Variants in CNOT10 observed in about 807,000 individuals in gnomAD.
CNOT10 encodes the protein CCR4-NOT transcription complex subunit 10, also known as CCR4-NOT transcription complex, subunit 10.
A neutral mutation model predicts 94.6 loss-of-function variants in CNOT10; 30 were observed. The ratio of observed to expected loss-of-function variants is 0.32; its 90% confidence interval spans 0.24 to 0.43. The LOEUF (loss-of-function observed/expected upper bound fraction) is 0.43, where lower values mean the gene tolerates loss of function less well. CNOT10 is among the 20% of genes least tolerant of loss of function. The pLI is 1.00. For missense variants in CNOT10, 759 were observed against 877.2 expected (o/e 0.87, Z 1.70); for synonymous variants, 289 against 301.6 (o/e 0.96, Z 0.43).
chr3:32,687,103 A>G (rs577192339), intron 1 of CNOT10, among the ~76,000 whole-genome samples: 25 of 152,298 alleles, frequency 1.6e-4, no homozygotes, highest in Admixed American at 1.4e-3. Context: ...GCTTTGATAT[A>G]AGGTTAAATT....
At chr3:32,718,301 C>G (rs140365476) in intron 7 of CNOT10, among the ~76,000 whole-genome samples, 2,816 of 143,970 alleles carry the variant, frequency 0.02, 104 homozygotes, top group African/African-American at 0.067. Context: ...GACATAATTC[C>G]TAGCCAGGCG....
At position 32,762,678 on chromosome 3, in the gene CNOT10, T is replaced by G. The variant is rs1340337903; in HGVS notation, c.1710-55T>G. ...TAATATACCCAGCATTATTTTACAT[T>G]GGGTATTTTTGTGACGTTGTACTTT... On this transcript the variant is annotated intron_variant, in intron 14 of 18. Transcript: ENST00000328834. 3 of 1,532,864 alleles carry G rather than the reference T, an allele frequency of 2.0e-6. No individual in the cohort carries two copies. The African/African-American group carries it at 4.3e-5, about 22-fold the overall frequency. The allele number at this position is 1,532,864 out of a possible 1,614,324, so 95.0% of individuals were successfully genotyped here.
chr3:32,773,317 G>A (rs1479011561), intron 18 of CNOT10, 140 bp from the exon 19 acceptor site: 1 of 806,678 alleles, frequency 1.2e-6, no homozygotes, highest in African/African-American at 1.8e-5. Context: ...AGGCTTTATG[G>A]GATTCCAGTA....
rs963159882 is a variant in CNOT10 at position 32,695,861 on chromosome 3, T to C, written c.23-8007T>C. 1.2e-5 allele frequency: 18 copies of C among 1,487,338 alleles called. No individual in the cohort carries two copies. In the African/African-American group the frequency reaches 1.3e-4, roughly 10 times the overall value. The allele number at this position is 1,487,338 out of a possible 1,614,324, so 92.1% of individuals were successfully genotyped here. A position where few individuals can be genotyped will look rare whatever the true frequency, so the allele number is the denominator to read the frequency against. On this transcript the variant is annotated intron_variant, in intron 1 of 18. Transcript: ENST00000328834. ...TCAGTAGTTATAAATAATAAATGTT[T>C]TTAAAACATTAAAAAAACTGATTAC...
intron 4 of CNOT10, among the ~76,000 whole-genome samples, chr3:32,711,621 A>C (rs1479988845): frequency 6.6e-6 from 1 of 152,168 alleles, no homozygotes; most frequent in Non-Finnish European, 1.5e-5. Context: ...AAGGCCTGGG[A>C]TGAGATGGTA....
intron 1 of CNOT10, among the ~76,000 whole-genome samples, chr3:32,687,522 G>A (rs1696682869): frequency 7.3e-6 from 1 of 136,660 alleles, no homozygotes; most frequent in Non-Finnish European, 1.5e-5. Context: ...TGCGATATCG[G>A]CTCATTGCAA....
chr3:32,704,850 C>G lies in CNOT10; in HGVS notation c.157C>G (p.Leu53Val). The G allele has an allele frequency of 6.4e-7, 1 of 1,568,486 alleles. No individual in the cohort carries two copies. Among genetic ancestry groups the G allele is most frequent in the Non-Finnish European group, 8.6e-7 (1 of 1,166,624 alleles). The change falls in exon 3 of 19, where the codon CTA becomes GTA. Residue 53 changes from leucine to valine, a missense_variant. Leu to Val is a conservative substitution (Grantham distance 32, BLOSUM62 1). This residue lies in a region of CNOT10 where 682 missense variants were observed against 799.4 expected (regional missense o/e 0.85). Transcript: ENST00000328834. Reference protein sequence around the residue: ...YDACLQHLACLQDINKDDYKI... With the variant: ...YDACLQHLACVQDINKDDYKI... ...TGCCTGTCTACAACACCTTGCCTGTCTACAAGATATAAACAAAGATGATTA... is the reference window on the plus strand; with the variant it reads ...TGCCTGTCTACAACACCTTGCCTGTGTACAAGATATAAACAAAGATGATTA...
chr3:32,747,975 A>G (rs1390782737), intron 13 of CNOT10, among the ~76,000 whole-genome samples: 1 of 151,682 alleles, frequency 6.6e-6, no homozygotes, highest in Non-Finnish European at 1.5e-5. Flanking sequence ...AAAAAAAAAG[A>G]CTGCAGGCAT....
chr3:32,693,732 A>T (rs540342489), intron 1 of CNOT10, among the ~76,000 whole-genome samples: 82 of 151,548 alleles, frequency 5.4e-4, no homozygotes, highest in Non-Finnish European at 1.0e-3. Context: ...TGTAGAGATG[A>T]GGTTTCGTCA....
At chr3:32,760,450 G>T (rs1255353356) in intron 14 of CNOT10, among the ~76,000 whole-genome samples, 1 of 151,902 alleles carries the variant, frequency 6.6e-6, no homozygotes, top group African/African-American at 2.4e-5. Flanking sequence ...CAGCCAACGT[G>T]GTAAAACCCC....
At chr3:32,772,451 A>G (rs1700953830) in intron 18 of CNOT10, among the ~76,000 whole-genome samples, 3 of 151,962 alleles carry the variant, frequency 2.0e-5, no homozygotes, top group Admixed American at 2.0e-4. Flanking sequence ...GTTCAAGGCT[A>G]TAGTGTGCAG....
Position 32,727,890 on chromosome 3 carries a change from CTT to C in CNOT10, c.1215+24_1215+25del. 1 of 1,550,434 alleles carries C rather than the reference CTT, an allele frequency of 6.4e-7. No homozygotes were observed. Among genetic ancestry groups the C allele is most frequent in the Admixed American group, 1.8e-5 (1 of 55,780 alleles). On this transcript the variant is annotated intron_variant, in intron 10 of 18. Coordinates refer to ENST00000328834, the MANE Select transcript of CNOT10 (RefSeq NM_015442.3). ...AAGGGGGTGAGTGCTACTTGGGTAT[CTT>C]TTTAAACCCTGTCTTCTCCCCACTT...
chr3:32,720,211 A>T lies in CNOT10; in HGVS notation c.842A>T (p.His281Leu). 6.6e-7 allele frequency: 1 copy of T among 1,512,096 alleles called. No individual in the cohort carries two copies. The highest frequency in any genetic ancestry group is 1.3e-5 in the South Asian group (1 of 75,984). The allele number at this position is 1,512,096 out of a possible 1,614,324, so 93.7% of individuals were successfully genotyped here. The change falls in exon 8 of 19, where the codon CAT becomes CTT. Residue 281 changes from histidine to leucine, a missense_variant. His to Leu is a moderately conservative substitution (Grantham distance 99). This residue lies in a region of CNOT10 where 682 missense variants were observed against 799.4 expected (regional missense o/e 0.85). Transcript: ENST00000328834. ...KLLNSSNIAE[H>L]PGFMKTGECL... Reference sequence around the variant, plus strand: ...TTAAATAGTTCAAACATTGCTGAGCATCCAGGATTCATGAAAACAGGTAAA... The same window carrying T: ...TTAAATAGTTCAAACATTGCTGAGCTTCCAGGATTCATGAAAACAGGTAAA...
intron 13 of CNOT10, among the ~76,000 whole-genome samples, chr3:32,757,940 A>G (rs80150204): frequency 0.058 from 8,892 of 152,288 alleles, 289 homozygotes; most frequent in Middle Eastern, 0.088. Flanking sequence ...ATATAAACTT[A>G]TGTTTGGATT....
At chr3:32,771,557 A>G (rs1700907932) in intron 18 of CNOT10, among the ~76,000 whole-genome samples, 1 of 152,036 alleles carries the variant, frequency 6.6e-6, no homozygotes, top group Non-Finnish European at 1.5e-5. Flanking sequence ...GCCGAGACAC[A>G]CCACTGCACT....
At chr3:32,753,181 A>G in intron 13 of CNOT10, 1 of 655,430 alleles carries the variant, frequency 1.5e-6, no homozygotes, top group South Asian at 1.5e-5. Flanking sequence ...AATACTATGA[A>G]AAAAACTATG....
At chr3:32,699,294 A>G (rs1049944989) in intron 1 of CNOT10, among the ~76,000 whole-genome samples, 1 of 152,214 alleles carries the variant, frequency 6.6e-6, no homozygotes, top group African/African-American at 2.4e-5. Context: ...TTTATTTAAC[A>G]ACATGTTGTA....
Position 32,713,407 on chromosome 3 carries a change from G to T in CNOT10, c.573+38G>T, listed in dbSNP as rs367958489. 3 of 1,492,256 alleles carry T rather than the reference G, an allele frequency of 2.0e-6. No individual in the cohort carries two copies. The East Asian group carries it at 7.1e-5, about 35-fold the overall frequency. 92.4% of individuals were successfully genotyped at this position (1,492,256 alleles called of 1,614,324 possible). A position where few individuals can be genotyped will look rare whatever the true frequency, so the allele number is the denominator to read the frequency against. On this transcript the variant is annotated intron_variant, in intron 5 of 18. Transcript: ENST00000328834. ...AGGTGATCAGACTAAAATCTAAAAT[G>T]TGATTAATTCTCTCTACTTGTTGGT...
Position 32,758,764 on chromosome 3 carries a change from T to C in CNOT10, c.1596-694T>C, listed in dbSNP as rs533810267. On this transcript the variant is annotated intron_variant, in intron 13 of 18. Coordinates refer to ENST00000328834, the MANE Select transcript of CNOT10 (RefSeq NM_015442.3). ...TGTTTTAAATGAGCTGTCTGTGAAGTAGAAAACCAAATATTATAGAAACTT... is the reference window on the plus strand; with the variant it reads ...TGTTTTAAATGAGCTGTCTGTGAAGCAGAAAACCAAATATTATAGAAACTT... Among the ~76,000 whole-genome samples the C allele has an allele frequency of 2.6e-5, 4 of 152,328 alleles. No individual in the cohort carries two copies. In the East Asian group the frequency reaches 7.7e-4, roughly 29 times the overall value.
Sources: gnomAD v4.1 joint callset for allele counts (sites outside exome capture counted in the v4.1 genomes callset) on GRCh38, gnomAD v4.1.1 for gene constraint, gnomAD v4.1.1 regional missense constraint, MANE v1.5 for transcripts, NCBI Gene and HGNC (gene_info 2026-07-23, HGNC 2026-07-21) for gene names.